MYO1H: variants seen among roughly 807,000 people sequenced by gnomAD.
MYO1H encodes myosin IH.
MYO1H carries 118 observed loss-of-function variants against 149.3 expected under a neutral mutation model. The observed-to-expected ratio is 0.79, with a 90% CI of 0.68 to 0.92. The LOEUF is 0.92. MYO1H is among the 40% of genes least tolerant of loss of function. The pLI, the probability that MYO1H is intolerant of heterozygous loss-of-function variation, is 0.00. For synonymous variants in MYO1H, 447 were observed against 465.2 expected, an observed-to-expected ratio of 0.96 and a Z score of 0.50; for missense variants, 1,212 against 1,280.7, an observed-to-expected ratio of 0.95 and a Z score of 0.82.
chr12:109,422,911 C>A (rs944651169), intron 16 of MYO1H, among the ~76,000 whole-genome samples: 11 of 151,590 alleles, frequency 7.3e-5, no homozygotes, highest in South Asian at 4.2e-4. Context: ...CCATCCTTAT[C>A]AAAAAAAATT....
chr12:109,439,840 C>G (rs114837433), intron 24 of MYO1H, 50 bp downstream of exon 24: 1 of 1,524,512 alleles, frequency 6.6e-7, no homozygotes, highest in African/African-American at 1.4e-5. Context: ...CGGGCACTGA[C>G]GAAGCTTAAC....
At chr12:109,415,687 C>T (rs1050168696) in intron 15 of MYO1H, 67 bp downstream of exon 15, 30 of 1,188,792 alleles carry the variant, frequency 2.5e-5, no homozygotes, top group African/African-American at 6.1e-5. Context: ...CAATAAGCTC[C>T]GAGTCCATGC....
chr12:109,401,111 C>T, exon 6 of MYO1H: 3 of 1,613,840 alleles, frequency 1.9e-6, no homozygotes, highest in Non-Finnish European at 2.5e-6. Context: ...CGTAGGTGGG[C>T]ATATCATCAG....
chr12:109,341,047 ATGT>A, the MYO1H span, among the ~76,000 whole-genome samples: 8 of 151,932 alleles, frequency 5.3e-5, no homozygotes, highest in Admixed American at 5.2e-4. Flanking sequence ...AATTAGCCAT[ATGT>A]GGTGGCGGGC....
upstream of MYO1H, chr12:109,347,788 G>A: frequency 2.5e-6 from 1 of 392,764 alleles, no homozygotes. Flanking sequence ...GCCATAAGAT[G>A]CAGTTTCTGC....
At chr12:109,441,780 C>T (rs1350045941) in intron 26 of MYO1H, 72 bp downstream of exon 26, 1 of 1,077,274 alleles carries the variant, frequency 9.3e-7, no homozygotes, top group African/African-American at 1.6e-5. Flanking sequence ...GGTGCGGTGG[C>T]TCATGCCCAT....
At chr12:109,444,589 G>A (rs1294608345) in intron 30 of MYO1H, 60 bp downstream of exon 30, 14 of 1,323,862 alleles carry the variant, frequency 1.1e-5, no homozygotes, top group East Asian at 4.6e-5. Flanking sequence ...TATTAAGGCC[G>A]AGCGTGGTGG....
At chr12:109,411,329 C>G (rs1870658829) in intron 13 of MYO1H, among the ~76,000 whole-genome samples, 1 of 152,114 alleles carries the variant, frequency 6.6e-6, no homozygotes, top group Non-Finnish European at 1.5e-5. Flanking sequence ...TCTTGAACTC[C>G]TGGGCTCAAG....
intron 1 of MYO1H, among the ~76,000 whole-genome samples, chr12:109,384,149 A>G (rs1247703814): frequency 6.6e-6 from 1 of 152,220 alleles, no homozygotes; most frequent in Non-Finnish European, 1.5e-5. Context: ...GGAGCCAGAC[A>G]GTAGCTACAC....
In MYO1H at chr12:109,416,491, CT is replaced by C. The variant is rs1291689405; in HGVS notation, c.1597+876del. ...TCAGGGTTCATCCATGCTTTCATTC[CT>C]TTTTATTGCCAAATAATATCCCATG... is the stretch of plus-strand genomic sequence containing the variant. On this transcript the variant is annotated intron_variant, in intron 15 of 31. Coordinates refer to ENST00000310903, the Ensembl canonical transcript of MYO1H. Among the ~76,000 whole-genome samples, 5 of 151,706 alleles carry C rather than the reference CT, an allele frequency of 3.3e-5. No homozygotes were observed. In the East Asian group the frequency reaches 9.7e-4, roughly 29 times the overall value.
At chr12:109,332,153 A>C in the MYO1H span, among the ~76,000 whole-genome samples, 1 of 152,226 alleles carries the variant, frequency 6.6e-6, no homozygotes, top group African/African-American at 2.4e-5. Context: ...CATGAACCTC[A>C]GTCCATTTTA....
At chr12:109,396,671 GC>G in intron 4 of MYO1H, 89 bp downstream of exon 4, 9 of 1,149,702 alleles carry the variant, frequency 7.8e-6, no homozygotes, top group Non-Finnish European at 1.1e-5. Context: ...GTCAAAATGG[GC>G]AGGTCACTGT....
chr12:109,393,891 G>GAGAT (rs1179862835), intron 3 of MYO1H, among the ~76,000 whole-genome samples: 4 of 152,124 alleles, frequency 2.6e-5, no homozygotes, highest in East Asian at 1.9e-4. Context: ...TGTGGCTGGA[G>GAGAT]AGATGTCTTC....
At chr12:109,401,376 G>A (rs1246355891) in intron 6 of MYO1H, 104 bp downstream of exon 6, 3 of 1,187,400 alleles carry the variant, frequency 2.5e-6, no homozygotes, top group Non-Finnish European at 3.5e-6. Context: ...TTACCATCCT[G>A]CTATGTGTCC....
the MYO1H span, among the ~76,000 whole-genome samples, chr12:109,329,757 C>T: frequency 1.4e-4 from 21 of 152,328 alleles, no homozygotes; most frequent in African/African-American, 4.8e-4. Flanking sequence ...TCCTTAAAAA[C>T]AATTCAACCT....
intron 1 of MYO1H, among the ~76,000 whole-genome samples, chr12:109,377,295 G>A (rs1431015839): frequency 4.6e-5 from 7 of 152,166 alleles, no homozygotes; most frequent in Admixed American, 3.3e-4. Context: ...GCATCTGCAC[G>A]TGTTGAGGGC....
intron 1 of MYO1H, among the ~76,000 whole-genome samples, chr12:109,360,212 A>C (rs1230932732): frequency 6.6e-6 from 1 of 151,572 alleles, no homozygotes; most frequent in African/African-American, 2.4e-5. Context: ...AGAGTTTCCC[A>C]GTGGGTTTTA....
the MYO1H span, among the ~76,000 whole-genome samples, chr12:109,331,230 AC>A: frequency 6.6e-6 from 1 of 152,182 alleles, no homozygotes; most frequent in Non-Finnish European, 1.5e-5. Flanking sequence ...GTCTGTCTTC[AC>A]TCACTCTTGA....
chr12:109,395,703 C>G (rs1178056374), intron 3 of MYO1H, among the ~76,000 whole-genome samples: 1 of 150,444 alleles, frequency 6.6e-6, no homozygotes, highest in Non-Finnish European at 1.5e-5. Context: ...CTACTGCACT[C>G]TGGCCTGGGC....
Sources: allele counts gnomAD v4.1 joint callset (sites outside exome capture counted in the v4.1 genomes callset), GRCh38; gene constraint gnomAD v4.1.1; transcripts MANE v1.5; gene names NCBI Gene and HGNC (gene_info 2026-07-23, HGNC 2026-07-21).